SPMIP2: variants seen among roughly 807,000 people sequenced by gnomAD.
The protein encoded by SPMIP2 is protein SPMIP2.
chr4:158,990,455 T>G, the SPMIP2 span, among the ~76,000 whole-genome samples: 1 of 152,162 alleles, frequency 6.6e-6, no homozygotes, highest in South Asian at 2.1e-4. Context: ...CTGTTCACAA[T>G]AGTGAACAGT....
chr4:159,028,031 C>A, the SPMIP2 span, among the ~76,000 whole-genome samples: 1 of 152,056 alleles, frequency 6.6e-6, no homozygotes, highest in Non-Finnish European at 1.5e-5. Context: ...TATATTAATA[C>A]TTTTATTTAG....
the SPMIP2 span, among the ~76,000 whole-genome samples, chr4:158,933,984 T>C: frequency 4.6e-5 from 7 of 152,352 alleles, no homozygotes; most frequent in South Asian, 6.2e-4. Context: ...TTGAGACATA[T>C]GAGGTTACAG....
the SPMIP2 span, among the ~76,000 whole-genome samples, chr4:158,978,551 C>T: frequency 1.3e-5 from 2 of 152,124 alleles, no homozygotes; most frequent in African/African-American, 4.8e-5. Flanking sequence ...GAAGACTTTA[C>T]ATCTCTTTGT....
chr4:158,946,341 A>C, the SPMIP2 span, among the ~76,000 whole-genome samples: 3 of 152,236 alleles, frequency 2.0e-5, no homozygotes, highest in African/African-American at 7.2e-5. Context: ...GAGATGAAGA[A>C]TATTCATTTG....
the SPMIP2 span, among the ~76,000 whole-genome samples, chr4:158,970,531 C>T: frequency 7.6e-6 from 1 of 131,096 alleles, no homozygotes; most frequent in Non-Finnish European, 1.6e-5. Context: ...CACAGTGAGA[C>T]CTTGTCTCAA....
the SPMIP2 span, among the ~76,000 whole-genome samples, chr4:159,072,376 T>A: frequency 2.6e-5 from 4 of 151,978 alleles, no homozygotes; most frequent in Admixed American, 6.6e-5. Context: ...TGGATTTGAA[T>A]GTCTCCTTTG....
chr4:159,001,986 C>T, the SPMIP2 span, among the ~76,000 whole-genome samples: 3 of 152,218 alleles, frequency 2.0e-5, no homozygotes, highest in Non-Finnish European at 4.4e-5. Flanking sequence ...TCTGCATCCT[C>T]GCCAGCATCT....
At chr4:158,962,371 C>A in the SPMIP2 span, among the ~76,000 whole-genome samples, 3 of 152,284 alleles carry the variant, frequency 2.0e-5, no homozygotes, top group East Asian at 5.8e-4. Flanking sequence ...ACTTTTCTTA[C>A]TTCTAGAAAG....
At chr4:158,898,113 G>T in the SPMIP2 span, among the ~76,000 whole-genome samples, 1 of 152,206 alleles carries the variant, frequency 6.6e-6, no homozygotes, top group South Asian at 2.1e-4. Flanking sequence ...CCCACTGCTT[G>T]TTTTTGTCAG....
At chr4:158,977,038 A>C in the SPMIP2 span, among the ~76,000 whole-genome samples, 1 of 152,140 alleles carries the variant, frequency 6.6e-6, no homozygotes, top group African/African-American at 2.4e-5. Flanking sequence ...TTCATCAGGG[A>C]TATTGGCCTG....
At chr4:158,992,791 G>A in the SPMIP2 span, among the ~76,000 whole-genome samples, 800 of 152,296 alleles carry the variant, frequency 5.3e-3, 6 homozygotes, top group African/African-American at 0.018. Context: ...CAAGCTGGAG[G>A]TGCTGTGAAG....
chr4:159,069,704 A>T, the SPMIP2 span, among the ~76,000 whole-genome samples: 3 of 151,786 alleles, frequency 2.0e-5, no homozygotes, highest in Admixed American at 6.6e-5. Flanking sequence ...CAATATTAAC[A>T]TTTTTCTCAT....
At chr4:158,915,296 A>G in the SPMIP2 span, 12 of 1,613,550 alleles carry the variant, frequency 7.4e-6, no homozygotes, top group African/African-American at 1.6e-4. Context: ...AAGCACTCAT[A>G]TGCCAGGCAA....
chr4:158,963,585 C>A, the SPMIP2 span, among the ~76,000 whole-genome samples: 2 of 152,176 alleles, frequency 1.3e-5, no homozygotes, highest in African/African-American at 4.8e-5. Flanking sequence ...CTGTGCCCAG[C>A]CAGTAGGCAG....
chr4:158,915,766 T>G, the SPMIP2 span, among the ~76,000 whole-genome samples: 1 of 152,224 alleles, frequency 6.6e-6, no homozygotes, highest in African/African-American at 2.4e-5. Flanking sequence ...AGCTTTTCTA[T>G]TCCAAGCTCT....
At chr4:159,044,262 G>A in the SPMIP2 span, among the ~76,000 whole-genome samples, 16 of 151,292 alleles carry the variant, frequency 1.1e-4, no homozygotes, top group African/African-American at 3.9e-4. Flanking sequence ...CCACCTACTC[G>A]GGAGGCTGAG....
chr4:159,066,373 G>A, the SPMIP2 span, among the ~76,000 whole-genome samples: 2 of 151,990 alleles, frequency 1.3e-5, no homozygotes, highest in Non-Finnish European at 2.9e-5. Flanking sequence ...ATCTAGGGGT[G>A]TGGATTTCAA....
the SPMIP2 span, among the ~76,000 whole-genome samples, chr4:158,933,305 G>A: frequency 0.7 from 106,933 of 152,144 alleles, 37,801 homozygotes; most frequent in East Asian, 0.9. Context: ...TTTTCAAAAA[G>A]GTGATTTTGA....
the SPMIP2 span, among the ~76,000 whole-genome samples, chr4:158,914,055 A>AT: frequency 2.0e-4 from 30 of 152,302 alleles, no homozygotes; most frequent in Admixed American, 3.9e-4. Flanking sequence ...CTTTTAACAG[A>AT]TTTTTTAATG....
Sources: allele counts gnomAD v4.1 joint callset (sites outside exome capture counted in the v4.1 genomes callset), GRCh38; gene constraint gnomAD v4.1.1; transcripts MANE v1.5; gene names NCBI Gene and HGNC (gene_info 2026-07-23, HGNC 2026-07-21).